Variants in MAPK4 observed in about 807,000 individuals in gnomAD.
The protein encoded by MAPK4 is Erk3-related.
MAPK4 carries 22 observed loss-of-function variants against 47.7 expected under a neutral mutation model. The ratio of observed to expected loss-of-function variants is 0.46; its 90% CI spans 0.33 to 0.66. The LOEUF is 0.66. Among genes scored for constraint, MAPK4 ranks in the 30% least tolerant of loss-of-function variants. MAPK4 has a pLI of 0.02. For synonymous variants in MAPK4, 390 were observed against 365.7 expected, an observed-to-expected ratio of 1.07 and a Z score of -0.76; for missense variants, 736 against 831.7, an observed-to-expected ratio of 0.88 and a Z score of 1.42.
intron 2 of MAPK4, among the ~76,000 whole-genome samples, chr18:50,714,288 A>G (rs147415729): frequency 1.2e-3 from 189 of 152,300 alleles, no homozygotes; most frequent in Non-Finnish European, 2.0e-3. Flanking sequence ...CAGTTTTCTG[A>G]ATTATGTAGA....
At position 50,664,275 on chromosome 18, in the gene MAPK4, A is replaced by G. The variant is rs1265734803; in HGVS notation, c.317A>G (p.Glu106Gly). Residue 106 changes from glutamate (E) to glycine (G), a missense_variant, in exon 2 of 6, where the codon GAG (glutamate) becomes GGG (glycine). Glu to Gly is a moderately conservative substitution (Grantham distance 98, BLOSUM62 -2). Transcript: ENST00000400384. The surrounding 1 kb of genome is among the most constrained non-coding windows in gnomAD (Gnocchi z 6.0). ...FKFSVAYIVQ[E>G]YMETDLARLL... ...TTCAGCGTGGCGTACATCGTCCAGG[A>G]GTACATGGAGACCGACCTGGCACGC... is the stretch of plus-strand genomic sequence containing the variant. The G allele has an allele frequency of 1.2e-6, 2 of 1,613,600 alleles. No individual in the cohort carries two copies. The highest frequency in any genetic ancestry group is 8.5e-7 in the Non-Finnish European group (1 of 1,179,754).
intron 1 of MAPK4, among the ~76,000 whole-genome samples, chr18:50,627,663 A>G (rs948835591): frequency 6.6e-6 from 1 of 152,210 alleles, no homozygotes; most frequent in Non-Finnish European, 1.5e-5. Context: ...GGCAGAGCCT[A>G]TGTTACGATC....
chr18:50,723,711 C>T lies in MAPK4; in HGVS notation c.853+1612C>T, dbSNP rs117709451. Among the ~76,000 whole-genome samples the T allele has an allele frequency of 3.2e-3, 490 of 152,040 alleles. 11 individuals carry two copies. In the South Asian group the frequency reaches 0.035, roughly 11 times the overall value. The stretch of plus-strand genomic sequence containing the variant: ...GACCCCATCTCCACTAAAAATATAA[C>T]AAATTAGCTGGGCATGGTGGCGCAC... On this transcript the variant is annotated intron_variant, in intron 4 of 5. Transcript: ENST00000400384.
intron 1 of MAPK4, among the ~76,000 whole-genome samples, chr18:50,645,830 T>G (rs1007408789): frequency 1.3e-5 from 2 of 152,204 alleles, no homozygotes; most frequent in Non-Finnish European, 2.9e-5. Flanking sequence ...CAGATGGGTA[T>G]GTTTGGGCAA....
At chr18:50,649,165 GCTCAGTCCCGTGT>G (rs1194249407) in intron 1 of MAPK4, among the ~76,000 whole-genome samples, 1 of 152,088 alleles carries the variant, frequency 6.6e-6, no homozygotes, top group Non-Finnish European at 1.5e-5. Context: ...GGGGCCCTTG[GCTCAGTCCCGTGT>G]GAGACCCACT....
chr18:50,670,485 G>A (rs1907878700), intron 2 of MAPK4, among the ~76,000 whole-genome samples: 1 of 151,796 alleles, frequency 6.6e-6, no homozygotes, highest in Non-Finnish European at 1.5e-5. Context: ...GGCCGGGTGT[G>A]GTGGCTCACG....
chr18:50,590,906 C>A (rs1255458893), intron 1 of MAPK4, among the ~76,000 whole-genome samples: 1 of 152,214 alleles, frequency 6.6e-6, no homozygotes. Flanking sequence ...AAGGTTAGTT[C>A]TCTTCCTTGA....
At chr18:50,647,483 G>A (rs1897518878) in intron 1 of MAPK4, among the ~76,000 whole-genome samples, 1 of 152,138 alleles carries the variant, frequency 6.6e-6, no homozygotes, top group Non-Finnish European at 1.5e-5. Flanking sequence ...CCCGAGGGAG[G>A]GGCATGCAGT....
chr18:50,631,557 C>T (rs1465034921), intron 1 of MAPK4, among the ~76,000 whole-genome samples: 1 of 152,206 alleles, frequency 6.6e-6, no homozygotes, highest in Non-Finnish European at 1.5e-5. Context: ...CATTCAAACC[C>T]TTCCTGAACT....
At chr18:50,625,548 G>T (rs1385104114) in intron 1 of MAPK4, among the ~76,000 whole-genome samples, 2 of 152,168 alleles carry the variant, frequency 1.3e-5, no homozygotes, top group African/African-American at 4.8e-5. Flanking sequence ...AGGAGGCCAA[G>T]GAGTAGAAGA....
chr18:50,729,010 G>C (rs1911358750), intron 5 of MAPK4, 148 bp from the exon 6 acceptor site: 1 of 678,252 alleles, frequency 1.5e-6, no homozygotes, highest in African/African-American at 1.8e-5. Context: ...CCCAAGGCTC[G>C]CCATTACCTG....
Position 50,729,488 on chromosome 18 carries a change from G to A in MAPK4, c.1398G>A (p.Ala466=), listed in dbSNP as rs368636904. 3.4e-6 allele frequency: 5 copies of A among 1,466,162 alleles called. No homozygotes were observed. Among genetic ancestry groups the A allele is most frequent in the Non-Finnish European group, 4.5e-6 (5 of 1,104,658 alleles). The allele number at this position is 1,466,162 out of a possible 1,614,324, so 90.8% of individuals were successfully genotyped here. Residue 466 remains alanine, a synonymous_variant, in exon 6 of 6, where the codon GCG becomes GCA. Transcript: ENST00000400384. The part of the protein sequence containing the change: ...LILDLSHWKQ[A]AGAPPTATGL... The stretch of plus-strand genomic sequence containing the variant: ...TGGACCTGTCGCACTGGAAGCAGGC[G>A]GCCGGCGCGCCCCCCACGGCCACGG...
chr18:50,703,768 A>G (rs1909908461), intron 2 of MAPK4, among the ~76,000 whole-genome samples: 1 of 152,218 alleles, frequency 6.6e-6, no homozygotes, highest in South Asian at 2.1e-4. Context: ...GACTTTATAA[A>G]TAAGCTTCAC....
At chr18:50,654,853 A>G (rs192999253) in intron 1 of MAPK4, among the ~76,000 whole-genome samples, 1 of 152,306 alleles carries the variant, frequency 6.6e-6, no homozygotes, top group Non-Finnish European at 1.5e-5. Context: ...TCTCCGTGCT[A>G]TTTTAGTATC....
intron 4 of MAPK4, among the ~76,000 whole-genome samples, chr18:50,723,746 C>T (rs1416833402): frequency 6.6e-6 from 1 of 151,822 alleles, no homozygotes; most frequent in Admixed American, 6.6e-5. Context: ...CACCTATGGT[C>T]TCAGCTACTT....
rs781383480 is a variant in MAPK4, at chr18:50,715,264, C to T, written c.691+41C>T. 2.7e-5 allele frequency: 43 copies of T among 1,587,376 alleles called. No individual in the cohort carries two copies. In the African/African-American group the frequency reaches 4.6e-4, roughly 17 times the overall value. ...TGCCACCTTCCTTCTCATCTGGCGT[C>T]GTTCCATAGAAAGGGGAACTGAGTG... On this transcript the variant is annotated intron_variant, in intron 3 of 5. Transcript: ENST00000400384.
At chr18:50,711,428 T>C (rs1910355513) in intron 2 of MAPK4, among the ~76,000 whole-genome samples, 1 of 152,232 alleles carries the variant, frequency 6.6e-6, no homozygotes, top group Non-Finnish European at 1.5e-5. Flanking sequence ...GCCACTCCCA[T>C]CTTGTTTCTT....
intron 1 of MAPK4, among the ~76,000 whole-genome samples, chr18:50,580,344 G>A (rs1190840437): frequency 1.3e-5 from 2 of 152,198 alleles, no homozygotes; most frequent in African/African-American, 4.8e-5. Flanking sequence ...AGGATTGGGA[G>A]CCAGCGGCTG....
At chr18:50,669,649 C>T (rs541717005) in intron 2 of MAPK4, 2 of 152,378 alleles carry the variant, frequency 1.3e-5, no homozygotes, top group Admixed American at 6.5e-5. Flanking sequence ...TAGCCCTCTA[C>T]AGCTCACACC....
Sources: allele counts gnomAD v4.1 joint callset (sites outside exome capture counted in the v4.1 genomes callset), GRCh38; gene constraint gnomAD v4.1.1; non-coding constraint Gnocchi (gnomAD v3.1); transcripts MANE v1.5; gene names NCBI Gene and HGNC (gene_info 2026-07-23, HGNC 2026-07-21).